ATG10: variants seen among roughly 807,000 people sequenced by gnomAD.
ATG10 encodes the protein ubiquitin-like-conjugating enzyme ATG10.
A neutral mutation model predicts 32.1 loss-of-function variants in ATG10; 30 were observed. The observed-to-expected ratio is 0.94, with a 90% CI of 0.70 to 1.27. The LOEUF is 1.27. ATG10 is among the 50% of genes most tolerant of loss of function. ATG10 has a pLI of 0.00. For synonymous variants in ATG10, 87 were observed against 91.5 expected, an observed-to-expected ratio of 0.95 and a Z score of 0.28; for missense variants, 233 against 262.3, an observed-to-expected ratio of 0.89 and a Z score of 0.77.
In ATG10 at chr5:82,012,988, A is replaced by G. The variant is rs1712613915; in HGVS notation, c.108+25310A>G. Among the ~76,000 whole-genome samples, 4 of 137,410 alleles carry G rather than the reference A, an allele frequency of 2.9e-5. No individual in the cohort carries two copies. The South Asian group carries it at 9.1e-4, about 31-fold the overall frequency. The allele number at this position is 137,410 out of a possible 152,430, so 90.1% of individuals were successfully genotyped here. A position where few individuals can be genotyped will look rare whatever the true frequency, so the allele number is the denominator to read the frequency against. On this transcript the variant is annotated intron_variant, in intron 2 of 7. Coordinates refer to ENST00000282185, the MANE Select transcript of ATG10 (RefSeq NM_031482.5). ...TCTTTTTTTTTTTTTTTTGAGATGG[A>G]GTCTCGCCCTGTTGCCAGGCTGGAG...
At chr5:82,099,555 T>A (rs80109773) in intron 3 of ATG10, among the ~76,000 whole-genome samples, 68 of 152,276 alleles carry the variant, frequency 4.5e-4, no homozygotes, top group African/African-American at 1.6e-3. Context: ...ATGTTTGGCA[T>A]TGTGTATATT....
intron 3 of ATG10, chr5:82,147,180 C>CT (rs1252194759): frequency 2.8e-5 from 6 of 211,332 alleles, no homozygotes; most frequent in South Asian, 5.1e-5. Flanking sequence ...TCTCTTTTTT[C>CT]TTTTTTAAGG....
At chr5:82,083,598 C>A (rs1764562334) in intron 3 of ATG10, among the ~76,000 whole-genome samples, 2 of 152,104 alleles carry the variant, frequency 1.3e-5, no homozygotes, top group African/African-American at 4.8e-5. Flanking sequence ...GCCAACTGAC[C>A]CCTCATACAA....
chr5:81,994,010 A>G (rs1363796797), intron 2 of ATG10, among the ~76,000 whole-genome samples: 1 of 152,158 alleles, frequency 6.6e-6, no homozygotes, highest in African/African-American at 2.4e-5. Flanking sequence ...TTGGCAGCCC[A>G]TAATCTCAGT....
intron 2 of ATG10, among the ~76,000 whole-genome samples, chr5:82,052,936 A>C (rs1315904599): frequency 6.6e-6 from 1 of 152,194 alleles, no homozygotes; most frequent in Non-Finnish European, 1.5e-5. Context: ...TAATATGTTA[A>C]TAATCATTTG....
intron 3 of ATG10, among the ~76,000 whole-genome samples, chr5:82,085,173 G>C (rs142428594): frequency 6.6e-6 from 1 of 151,912 alleles, no homozygotes; most frequent in Non-Finnish European, 1.5e-5. Flanking sequence ...AAAAGCAGGG[G>C]TTGCAATCCT....
At chr5:82,141,071 G>A in intron 3 of ATG10, among the ~76,000 whole-genome samples, 1 of 122,090 alleles carries the variant, frequency 8.2e-6, no homozygotes, top group South Asian at 3.1e-4. Context: ...CAAGTAATCA[G>A]GGACACAAAC....
At chr5:82,242,326 T>C (rs1406059705) in intron 5 of ATG10, among the ~76,000 whole-genome samples, 1 of 151,990 alleles carries the variant, frequency 6.6e-6, no homozygotes, top group Non-Finnish European at 1.5e-5. Flanking sequence ...GTATATATTG[T>C]AGCAAAAAAC....
intron 2 of ATG10, among the ~76,000 whole-genome samples, chr5:82,036,051 A>G (rs886928334): frequency 6.6e-6 from 1 of 151,992 alleles, no homozygotes; most frequent in Non-Finnish European, 1.5e-5. Flanking sequence ...TAATTTTTGT[A>G]TTTAGGGTTT....
At chr5:82,055,148 A>G (rs370384385) in intron 2 of ATG10, among the ~76,000 whole-genome samples, 5 of 152,110 alleles carry the variant, frequency 3.3e-5, no homozygotes, top group African/African-American at 7.2e-5. Flanking sequence ...TAGAAGAAAC[A>G]TCTAGTTCTG....
At chr5:82,109,556 C>A (rs1020100098) in intron 3 of ATG10, among the ~76,000 whole-genome samples, 1 of 151,660 alleles carries the variant, frequency 6.6e-6, no homozygotes, top group African/African-American at 2.4e-5. Context: ...GATTTCTTGT[C>A]TTTATTACTT....
chr5:82,069,893 G>T (rs1478024785), intron 3 of ATG10, among the ~76,000 whole-genome samples: 3 of 152,086 alleles, frequency 2.0e-5, no homozygotes, highest in Non-Finnish European at 4.4e-5. Context: ...GTTTTCAAAA[G>T]GGAGACATCA....
At chr5:82,013,450 A>G (rs574493086) in intron 2 of ATG10, among the ~76,000 whole-genome samples, 1 of 152,092 alleles carries the variant, frequency 6.6e-6, no homozygotes, top group Non-Finnish European at 1.5e-5. Context: ...TATTTTTGCA[A>G]TTGCAAATTG....
At chr5:81,987,091 G>A (rs1303664364) in intron 1 of ATG10, among the ~76,000 whole-genome samples, 2 of 151,962 alleles carry the variant, frequency 1.3e-5, no homozygotes, top group Admixed American at 1.3e-4. Flanking sequence ...CAAAAAAATG[G>A]GGATAGGTGA....
At chr5:82,103,227 A>G (rs528345636) in intron 3 of ATG10, among the ~76,000 whole-genome samples, 1 of 152,308 alleles carries the variant, frequency 6.6e-6, no homozygotes, top group South Asian at 2.1e-4. Context: ...ATATGTTTTG[A>G]TCTTTTTCTG....
At chr5:82,136,715 C>A (rs116244657) in intron 3 of ATG10, among the ~76,000 whole-genome samples, 1 of 152,032 alleles carries the variant, frequency 6.6e-6, no homozygotes, top group South Asian at 2.1e-4. Flanking sequence ...CAAGGAGTTT[C>A]TTTGTGATAT....
intron 3 of ATG10, among the ~76,000 whole-genome samples, chr5:82,088,591 T>G (rs1350154886): frequency 6.6e-6 from 1 of 152,184 alleles, no homozygotes; most frequent in Admixed American, 6.5e-5. Flanking sequence ...TAGGTGAGTC[T>G]CTTACCTCAT....
intron 3 of ATG10, among the ~76,000 whole-genome samples, chr5:82,119,750 C>T (rs1256560652): frequency 1.3e-5 from 2 of 152,020 alleles, no homozygotes; most frequent in African/African-American, 4.8e-5. Context: ...TGTGAGCCAC[C>T]GTGCCTGGCC....
At chr5:82,206,155 AAGAG>A (rs1745284073) in intron 5 of ATG10, among the ~76,000 whole-genome samples, 1 of 152,164 alleles carries the variant, frequency 6.6e-6, no homozygotes, top group Admixed American at 6.5e-5. Context: ...GAAGTCAAGA[AAGAG>A]AGGCTGTAGC....
Sources: allele counts gnomAD v4.1 joint callset (sites outside exome capture counted in the v4.1 genomes callset), GRCh38; gene constraint gnomAD v4.1.1; transcripts MANE v1.5; gene names NCBI Gene and HGNC (gene_info 2026-07-23, HGNC 2026-07-21).